Variants in ANKDD1A observed in about 807,000 individuals in gnomAD.
ANKDD1A encodes ankyrin repeat and death domain-containing protein 1A.
In ANKDD1A, 59 loss-of-function variants were observed where a neutral mutation model predicts 63.5. That is an observed-to-expected ratio of 0.93 (90% confidence interval 0.75 to 1.15). ANKDD1A has a LOEUF of 1.15. Among genes scored for constraint, ANKDD1A ranks in the 50% most tolerant of loss-of-function variants. The pLI is 0.00. For synonymous variants in ANKDD1A, 266 were observed against 263.9 expected (o/e 1.01, Z -0.08); for missense variants, 632 against 656.4 (o/e 0.96, Z 0.41).
chr15:64,921,551 T>C (rs2085006642), intron 3 of ANKDD1A, among the ~76,000 whole-genome samples: 1 of 152,094 alleles, frequency 6.6e-6, no homozygotes, highest in African/African-American at 2.4e-5. Flanking sequence ...ATTTTTCTAT[T>C]TTTAGTAGAG....
intron 8 of ANKDD1A, chr15:64,932,145 C>T (rs191889688): frequency 2.2e-4 from 34 of 153,154 alleles, no homozygotes; most frequent in Admixed American, 9.1e-4. Context: ...ATCCACCTGC[C>T]TCAGCCTTCC....
chr15:64,948,286 A>G (rs1026231388), intron 13 of ANKDD1A, among the ~76,000 whole-genome samples: 20 of 152,244 alleles, frequency 1.3e-4, no homozygotes, highest in African/African-American at 2.2e-4. Context: ...ACTTGTGTAA[A>G]TGGAATGACA....
rs1305557676 is a variant in ANKDD1A, at chr15:64,954,960, CTTCTTCTCCTTG to C, written c.1484-2132_1484-2121del. On this transcript the variant is annotated intron_variant, in intron 14 of 14. Transcript: ENST00000319580. ...TTCTTGTCTCTTCTTCTCTCTCCTT[CTTCTTCTCCTTG>C]TTCTTCTCCTGCTTCTCCTCTTCCT... Among the ~76,000 whole-genome samples the C allele has an allele frequency of 1.9e-4, 28 of 150,416 alleles. No individual in the cohort carries two copies. The South Asian group carries it at 2.5e-3, about 14-fold the overall frequency.
chr15:64,947,480 C>A lies in ANKDD1A; in HGVS notation c.1238C>A (p.Ser413Tyr), dbSNP rs145708523. ...CGGCAGGAAACACAGCAGCTCCGTT[C>A]TGTGCTGTGGCGGCTGGCCTCCAGG... is the stretch of plus-strand genomic sequence containing the variant. ...DHRQETQQLR[S>Y]VLWRLASRYL... Residue 413 changes from serine (S) to tyrosine (Y), a missense_variant, in exon 13 of 15, where the codon TCT becomes TAT. Transcript: ENST00000319580. The A allele has an allele frequency of 4.8e-5, 78 of 1,614,180 alleles. No individual in the cohort carries two copies. The African/African-American group carries it at 9.3e-4, about 19-fold the overall frequency.
At chr15:64,953,883 C>T (rs1450412016) in intron 14 of ANKDD1A, among the ~76,000 whole-genome samples, 1,332 of 102,468 alleles carry the variant, frequency 0.013, 27 homozygotes, top group African/African-American at 0.042. Flanking sequence ...TTCATTCTTT[C>T]TTCTTCCTCT....
chr15:64,922,725 T>G (rs1323183009), intron 4 of ANKDD1A, among the ~76,000 whole-genome samples: 2 of 152,266 alleles, frequency 1.3e-5, no homozygotes, highest in East Asian at 3.9e-4. Context: ...CACTGCAACC[T>G]CCGCCTACTG....
At chr15:64,950,220 C>A in intron 14 of ANKDD1A, 1 of 985,398 alleles carries the variant, frequency 1.0e-6, no homozygotes, top group Non-Finnish European at 1.2e-6. Flanking sequence ...AGCCCCGGAG[C>A]CAGTGATGCT....
Position 64,953,802 on chromosome 15 carries a change from CTTT to C in ANKDD1A, c.1484-3296_1484-3294del, listed in dbSNP as rs143700483. On this transcript the variant is annotated intron_variant, in intron 14 of 14. Transcript: ENST00000319580. Reference sequence around the variant, plus strand: ...TTTTCTTTCTTCTGCTTTCTTCTTCCTTTTTTTCTTCTTCCTTATTCTTTTCTT... The same window carrying C: ...TTTTCTTTCTTCTGCTTTCTTCTTCCTTTTCTTCTTCCTTATTCTTTTCTT... Among the ~76,000 whole-genome samples the C allele has an allele frequency of 5.1e-4, 68 of 132,330 alleles. 1 individual carries two copies. Among genetic ancestry groups the C allele is most frequent in the African/African-American group, 1.7e-3 (62 of 37,152 alleles). 86.8% of individuals were successfully genotyped at this position (132,330 alleles called of 152,430 possible). A position where few individuals can be genotyped will look rare whatever the true frequency, so the allele number is the denominator to read the frequency against.
chr15:64,942,360 A>C (rs1004302086), intron 9 of ANKDD1A, 107 bp from the exon 10 acceptor site: 4 of 799,280 alleles, frequency 5.0e-6, no homozygotes, highest in East Asian at 6.3e-5. Context: ...TAAAAGGGCC[A>C]AACCCAGAAG....
At chr15:64,952,252 TCC>T (rs973951670) in intron 14 of ANKDD1A, among the ~76,000 whole-genome samples, 2 of 150,878 alleles carry the variant, frequency 1.3e-5, no homozygotes. Flanking sequence ...CTTATTCTTC[TCC>T]TTCTTCCTTC....
At chr15:64,936,703 G>C (rs966031278) in intron 9 of ANKDD1A, among the ~76,000 whole-genome samples, 8 of 152,106 alleles carry the variant, frequency 5.3e-5, no homozygotes, top group African/African-American at 1.9e-4. Flanking sequence ...AGCCGGGTAT[G>C]GTGGTGGGTA....
chr15:64,949,974 TA>T lies in ANKDD1A; in HGVS notation c.1483+4del. Reference sequence around the variant, plus strand: ...CCATTGGCAGGAGGGACCTGGCTGGTAAGAGCGTACTCTGCTGGGCTGCTTC... The same window carrying T: ...CCATTGGCAGGAGGGACCTGGCTGGTAGAGCGTACTCTGCTGGGCTGCTTC... On this transcript the variant is annotated splice_donor_region_variant and intron_variant, in intron 14 of 14. Coordinates refer to ENST00000319580, the MANE Select transcript of ANKDD1A (RefSeq NM_182703.6). The T allele has an allele frequency of 6.2e-7, 1 of 1,609,008 alleles. No individual in the cohort carries two copies. The highest frequency in any genetic ancestry group is 2.2e-5 in the East Asian group (1 of 44,880).
rs367982055 is a variant in ANKDD1A, at chr15:64,930,919, C to T, written c.668C>T (p.Ala223Val). 2.5e-5 allele frequency: 40 copies of T among 1,610,280 alleles called. No individual in the cohort carries two copies. Among genetic ancestry groups the T allele is most frequent in the Non-Finnish European group, 3.0e-5 (35 of 1,179,860 alleles). Reference sequence around the variant, plus strand: ...GGGCTGGACCTGGAGGAGCAGAATGCGGTGAGTCACCGCCTGGGGATGGCG... The same window carrying T: ...GGGCTGGACCTGGAGGAGCAGAATGTGGTGAGTCACCGCCTGGGGATGGCG... ...DIGLDLEEQNAEGLTALHSAA... is the reference protein window; with the variant it reads ...DIGLDLEEQNVEGLTALHSAA... The change falls in exon 7 of 15, where the codon GCG becomes GTG. Residue 223 changes from alanine (A) to valine (V), a missense_variant and splice_region_variant. By Grantham distance (64) the Ala-to-Val change is moderately conservative. Transcript: ENST00000319580.
intron 14 of ANKDD1A, among the ~76,000 whole-genome samples, chr15:64,953,538 C>CTTCCTTCTCCTTCTTT (rs1566917601): frequency 1.6e-5 from 2 of 124,696 alleles, no homozygotes; most frequent in Admixed American, 8.8e-5. Context: ...CTTCTCCTCT[C>CTTCCTTCTCCTTCTTT]CTTCTTCCTT....
chr15:64,935,606 C>G (rs532278331), intron 9 of ANKDD1A, among the ~76,000 whole-genome samples: 1 of 151,436 alleles, frequency 6.6e-6, no homozygotes, highest in South Asian at 2.1e-4. Flanking sequence ...ACCCGGGAGG[C>G]AGAGCTTGCA....
chr15:64,946,491 T>A (rs979258567), intron 12 of ANKDD1A, among the ~76,000 whole-genome samples: 1 of 152,180 alleles, frequency 6.6e-6, no homozygotes, highest in Non-Finnish European at 1.5e-5. Flanking sequence ...ATACTGAGGG[T>A]TGGACTAGCC....
intron 14 of ANKDD1A, among the ~76,000 whole-genome samples, chr15:64,952,633 C>G (rs2085315034): frequency 9.0e-6 from 1 of 110,606 alleles, no homozygotes; most frequent in South Asian, 3.1e-4. Flanking sequence ...TTCGTCTTTT[C>G]TTTCTTCTTC....
intron 9 of ANKDD1A, among the ~76,000 whole-genome samples, chr15:64,936,693 A>G (rs1179132010): frequency 6.6e-6 from 1 of 152,070 alleles, no homozygotes; most frequent in African/African-American, 2.4e-5. Context: ...TTTAAAAATC[A>G]GCCGGGTATG....
chr15:64,930,317 G>T (rs2085079479), intron 6 of ANKDD1A, among the ~76,000 whole-genome samples: 1 of 152,054 alleles, frequency 6.6e-6, no homozygotes. Flanking sequence ...GACAGAGTGT[G>T]TTAGCAGGTG....
Sources: gnomAD v4.1 joint callset for allele counts (sites outside exome capture counted in the v4.1 genomes callset) on GRCh38, gnomAD v4.1.1 for gene constraint, MANE v1.5 for transcripts, NCBI Gene and HGNC (gene_info 2026-07-23, HGNC 2026-07-21) for gene names.